Variants in CAPN14 observed in about 807,000 individuals in gnomAD.
The protein encoded by CAPN14 is calpain-14.
A neutral mutation model predicts 101.3 loss-of-function variants in CAPN14; 94 were observed. That is an observed-to-expected ratio of 0.93 (90% CI 0.79 to 1.10). The LOEUF (loss-of-function observed/expected upper bound fraction) is 1.10. Among genes scored for constraint, CAPN14 ranks in the 50% least tolerant of loss-of-function variants. The probability of loss-of-function intolerance (pLI) is 0.00; values close to 1 mark genes in which losing one functional copy is unlikely to be tolerated. For synonymous variants in CAPN14, 338 were observed against 317.9 expected (o/e 1.06, Z -0.67); for missense variants, 837 against 828.4 (o/e 1.01, Z -0.13).
At chr2:31,215,580 C>A (rs1682604354) in intron 1 of CAPN14, among the ~76,000 whole-genome samples, 1 of 152,134 alleles carries the variant, frequency 6.6e-6, no homozygotes, top group South Asian at 2.1e-4. Context: ...CTTCAAAGCT[C>A]AGGGCAAATG....
At chr2:31,201,196 CATGT>C (rs1419398913) in intron 5 of CAPN14, among the ~76,000 whole-genome samples, 1 of 129,944 alleles carries the variant, frequency 7.7e-6, no homozygotes, top group Non-Finnish European at 1.8e-5. Context: ...TGTGTGTGTG[CATGT>C]GTGTGTGTGC....
At chr2:31,210,194 A>G (rs1462234689) in intron 1 of CAPN14, among the ~76,000 whole-genome samples, 1 of 152,204 alleles carries the variant, frequency 6.6e-6, no homozygotes, top group Non-Finnish European at 1.5e-5. Flanking sequence ...CTGTAATCCC[A>G]GCACTTTGGG....
At chr2:31,205,593 G>T in intron 1 of CAPN14, 94 bp from the exon 2 acceptor site, 1 of 695,272 alleles carries the variant, frequency 1.4e-6, no homozygotes, top group Non-Finnish European at 2.5e-6. Flanking sequence ...GAATGGGAGC[G>T]GAGAAGTCAG....
Position 31,230,159 on chromosome 2 carries a change from G to A in CAPN14, c.-176-3508C>T, listed in dbSNP as rs1683146276. 6.6e-6 allele frequency among the ~76,000 whole-genome samples: 1 copy of A among 152,130 alleles called. No homozygotes were observed. Among genetic ancestry groups the A allele is most frequent in the African/African-American group, 2.4e-5 (1 of 41,424 alleles). ...TTAAGTCTAGTAACCAATAGTTCTTGCTTTTTGTTCCTCTCCTTCCTCCCA... is the reference window on the plus strand; with the variant it reads ...TTAAGTCTAGTAACCAATAGTTCTTACTTTTTGTTCCTCTCCTTCCTCCCA... On this transcript the variant is annotated intron_variant and NMD_transcript_variant, in intron 1 of 21. Coordinates refer to the CAPN14 transcript ENST00000398824. The surrounding 1 kb of genome is among the most constrained non-coding windows in gnomAD (Gnocchi z 4.3).
exon 1 of CAPN14, chr2:31,233,821 T>G (rs1253346336): frequency 6.6e-6 from 1 of 151,498 alleles, no homozygotes; most frequent in Non-Finnish European, 1.5e-5. Context: ...CCTCAGCAAC[T>G]GAAGGAGAGG....
Position 31,205,245 on chromosome 2 carries a change from C to G in CAPN14, c.203G>C (p.Arg68Pro), listed in dbSNP as rs780854483. 1.9e-6 allele frequency: 3 copies of G among 1,549,528 alleles called. No homozygotes were observed. The South Asian group carries it at 3.6e-5, about 18-fold the overall frequency. Residue 68 changes from arginine to proline, a missense_variant, in exon 2 of 22, where the codon CGC (arginine) becomes CCC (proline). Physicochemically the swap from Arg to Pro is moderately radical, Grantham distance 103. Coordinates refer to ENST00000403897, the MANE Select transcript of CAPN14 (RefSeq NM_001145122.2). The part of the protein sequence containing the change: ...SGSLLQKLPP[R>P]LQWKRPPELH... Reference sequence around the variant, plus strand: ...CACCGGGGGCCTCTTCCACTGCAGGCGGGGTGGCAGCTTCTGCAGCAGGGA... The same window carrying G: ...CACCGGGGGCCTCTTCCACTGCAGGGGGGGTGGCAGCTTCTGCAGCAGGGA...
At chr2:31,204,032 T>A (rs1681943795) in intron 2 of CAPN14, among the ~76,000 whole-genome samples, 1 of 152,110 alleles carries the variant, frequency 6.6e-6, no homozygotes, top group Non-Finnish European at 1.5e-5. Flanking sequence ...GTTTTGGGGG[T>A]AGGAGGTTGG....
intron 16 of CAPN14, among the ~76,000 whole-genome samples, chr2:31,185,218 A>T (rs1680845276): frequency 6.6e-6 from 1 of 152,220 alleles, no homozygotes; most frequent in South Asian, 2.1e-4. Context: ...AGAATCTAAG[A>T]ACTCTCATCT....
chr2:31,232,522 C>G (rs1369141757), intron 1 of CAPN14, among the ~76,000 whole-genome samples: 1 of 152,324 alleles, frequency 6.6e-6, no homozygotes, highest in East Asian at 1.9e-4. Flanking sequence ...CACAGTTCTG[C>G]ATGCCTAGAG....
intron 17 of CAPN14, among the ~76,000 whole-genome samples, chr2:31,178,822 G>C (rs1038151188): frequency 6.6e-6 from 1 of 152,070 alleles, no homozygotes; most frequent in Non-Finnish European, 1.5e-5. Context: ...GATGATGATG[G>C]AGGTGATGAT....
intron 7 of CAPN14, among the ~76,000 whole-genome samples, chr2:31,198,826 C>T (rs1036204197): frequency 2.0e-5 from 3 of 152,152 alleles, no homozygotes; most frequent in Non-Finnish European, 4.4e-5. Context: ...CTTCTCGCCC[C>T]GTGCAAATCT....
intron 21 of CAPN14, among the ~76,000 whole-genome samples, chr2:31,176,181 T>C (rs1189192660): frequency 6.6e-6 from 1 of 152,176 alleles, no homozygotes; most frequent in Non-Finnish European, 1.5e-5. Flanking sequence ...AGAACAAACC[T>C]AGGCAGAGTT....
chr2:31,186,133 A>G (rs1436774084), intron 16 of CAPN14, among the ~76,000 whole-genome samples: 3 of 152,234 alleles, frequency 2.0e-5, no homozygotes, highest in African/African-American at 7.2e-5. Flanking sequence ...TTGATATGCC[A>G]AGAAAGAGGT....
In CAPN14 at chr2:31,192,053, G is replaced by A. The variant is rs200803860; in HGVS notation, c.1160C>T (p.Pro387Leu). ...NPQFLLSVWR[P>L]EEGRRSLRPC... ...CCTCAGGGATCTCCTGCCCTCCTCG[G>A]GCCTCCAGACAGACAGCAGGAACTG... is the stretch of plus-strand genomic sequence containing the variant. Residue 387 changes from proline to leucine, a missense_variant, in exon 11 of 22, where the codon CCC (proline) becomes CTC (leucine). By Grantham distance (98) the Pro-to-Leu change is moderately conservative. Coordinates refer to ENST00000403897, the MANE Select transcript of CAPN14 (RefSeq NM_001145122.2). The A allele has an allele frequency of 5.7e-4, 882 of 1,551,270 alleles. 1 individual carries two copies. The highest frequency in any genetic ancestry group is 7.3e-4 in the Non-Finnish European group (839 of 1,146,838).
At chr2:31,220,720 T>C (rs1682838331), upstream of CAPN14, among the ~76,000 whole-genome samples, 1 of 152,188 alleles carries the variant, frequency 6.6e-6, no homozygotes. Flanking sequence ...TCCCAGCTAC[T>C]CAGGAGGCTG....
At chr2:31,214,081 G>A (rs186124776) in intron 1 of CAPN14, among the ~76,000 whole-genome samples, 1 of 152,302 alleles carries the variant, frequency 6.6e-6, no homozygotes, top group East Asian at 1.9e-4. Context: ...TTGAAGGCGA[G>A]AATGGTATAG....
At chr2:31,179,497 C>T (rs9751292) in intron 17 of CAPN14, among the ~76,000 whole-genome samples, 50,785 of 152,022 alleles carry the variant, frequency 0.33, 10,070 homozygotes, top group African/African-American at 0.55. Context: ...TGGTTCCAAG[C>T]CTTTGCTATT....
intron 2 of CAPN14, among the ~76,000 whole-genome samples, chr2:31,223,596 T>C (rs145488773): frequency 0.012 from 1,775 of 148,632 alleles, 38 homozygotes; most frequent in African/African-American, 0.043. Context: ...TGGGACAATC[T>C]CGGCTCACTG....
At chr2:31,202,853 G>A (rs1482837992) in intron 3 of CAPN14, among the ~76,000 whole-genome samples, 1 of 152,178 alleles carries the variant, frequency 6.6e-6, no homozygotes, top group Non-Finnish European at 1.5e-5. Context: ...GACTTAGGCA[G>A]GGTATGGCAT....
Sources: allele counts gnomAD v4.1 joint callset (sites outside exome capture counted in the v4.1 genomes callset), GRCh38; gene constraint gnomAD v4.1.1; non-coding constraint Gnocchi (gnomAD v3.1); transcripts MANE v1.5; gene names NCBI Gene and HGNC (gene_info 2026-07-23, HGNC 2026-07-21).